PEBP4: variants seen among roughly 807,000 people sequenced by gnomAD.
PEBP4 encodes the protein phosphatidylethanolamine binding protein 4.
In PEBP4, 22 loss-of-function variants were observed where a neutral mutation model predicts 23.9. The ratio of observed to expected loss-of-function variants is 0.92; its 90% CI spans 0.66 to 1.31. The LOEUF is 1.31. PEBP4 is among the 40% of genes most tolerant of loss of function. The pLI is 0.00. For synonymous variants in PEBP4, 112 were observed against 99.3 expected (o/e 1.13, Z -0.76); for missense variants, 324 against 281.7 (o/e 1.15, Z -1.07).
upstream of PEBP4, among the ~76,000 whole-genome samples, chr8:22,932,517 A>C (rs1289024318): frequency 6.6e-6 from 1 of 152,138 alleles, no homozygotes; most frequent in African/African-American, 2.4e-5. Context: ...GGAAAGCTAA[A>C]CACACATATA....
chr8:22,908,916 C>T (rs1256571487), intron 3 of PEBP4, among the ~76,000 whole-genome samples: 2 of 152,174 alleles, frequency 1.3e-5, no homozygotes, highest in African/African-American at 4.8e-5. Context: ...AGTTAGCGGC[C>T]GAGCTTTAAA....
chr8:22,924,555 A>T, intron 2 of PEBP4: 1 of 633,008 alleles, frequency 1.6e-6, no homozygotes, highest in Non-Finnish European at 2.0e-6. Flanking sequence ...GATCCGCACT[A>T]CAACAGGTAG....
chr8:22,750,096 G>A lies in PEBP4; in HGVS notation c.358-22876C>T, dbSNP rs1365139721. Among the ~76,000 whole-genome samples the A allele has an allele frequency of 4.0e-5, 6 of 151,794 alleles. No homozygotes were observed. In the South Asian group the frequency reaches 1.0e-3, roughly 26 times the overall value. ...GCTGGGATTACAGGCGTGAGCCACC[G>A]CACCCAGCCTTTCTTTCTTTTTTGA... On this transcript the variant is annotated intron_variant, in intron 4 of 6. Coordinates refer to ENST00000256404, the MANE Select transcript of PEBP4 (RefSeq NM_144962.3).
At chr8:22,834,305 G>A (rs535131221) in intron 3 of PEBP4, among the ~76,000 whole-genome samples, 64 of 152,356 alleles carry the variant, frequency 4.2e-4, no homozygotes, top group African/African-American at 1.4e-3. Context: ...CTCTTCGCCA[G>A]GGCTGATGGG....
chr8:22,864,921 G>C (rs1180511114), intron 3 of PEBP4, among the ~76,000 whole-genome samples: 3 of 152,230 alleles, frequency 2.0e-5, no homozygotes, highest in African/African-American at 7.2e-5. Context: ...GGGGACCCAG[G>C]GCGGGATGGC....
At chr8:22,713,628 A>G (rs1034440630) in intron 6 of PEBP4, 92 bp from the exon 7 acceptor site, 1 of 1,563,656 alleles carries the variant, frequency 6.4e-7, no homozygotes, top group Non-Finnish European at 8.7e-7. Context: ...GGCTCGTGGG[A>G]GCCGAGGCAG....
At chr8:22,790,531 G>C (rs1459615301) in intron 4 of PEBP4, among the ~76,000 whole-genome samples, 1 of 152,164 alleles carries the variant, frequency 6.6e-6, no homozygotes, top group Non-Finnish European at 1.5e-5. Context: ...AGCTTAGCAG[G>C]GGCAGAAAAC....
rs574641477 is a variant in PEBP4 at position 22,768,447 on chromosome 8, G to C, written c.358-41227C>G. Among the ~76,000 whole-genome samples, 3 of 152,138 alleles carry C rather than the reference G, an allele frequency of 2.0e-5. No homozygotes were observed. In the East Asian group the frequency reaches 5.8e-4, roughly 29 times the overall value. ...TGGGGTGCTCACGCGAGCCCCCCAC[G>C]ACAGCCTCAGTGAACAAAGCCAAGC... On this transcript the variant is annotated intron_variant, in intron 4 of 6. Coordinates refer to ENST00000256404, the MANE Select transcript of PEBP4 (RefSeq NM_144962.3).
At chr8:22,874,408 G>A (rs961538420) in intron 3 of PEBP4, among the ~76,000 whole-genome samples, 2 of 152,178 alleles carry the variant, frequency 1.3e-5, no homozygotes, top group East Asian at 3.8e-4. Context: ...ATTGGAAGAT[G>A]AATGTTTCTC....
intron 3 of PEBP4, among the ~76,000 whole-genome samples, chr8:22,900,043 A>T (rs565825410): frequency 1.4e-4 from 22 of 152,204 alleles, no homozygotes; most frequent in Admixed American, 2.6e-4. Context: ...CTCTGGCAAG[A>T]GCCTTATCTA....
intron 3 of PEBP4, among the ~76,000 whole-genome samples, chr8:22,818,438 G>A (rs1806791715): frequency 1.3e-5 from 2 of 152,202 alleles, no homozygotes; most frequent in East Asian, 1.9e-4. Context: ...AAGGTCTTCA[G>A]GTGGGAAAAA....
intron 4 of PEBP4, among the ~76,000 whole-genome samples, chr8:22,772,123 C>T (rs144135112): frequency 2.0e-5 from 3 of 152,316 alleles, no homozygotes; most frequent in East Asian, 3.9e-4. Flanking sequence ...GTGATAAGAC[C>T]CTTTGTAATC....
chr8:22,865,300 C>T lies in PEBP4; in HGVS notation c.259-47565G>A, dbSNP rs1032530997. Among the ~76,000 whole-genome samples the T allele has an allele frequency of 5.3e-5, 8 of 151,990 alleles. No individual in the cohort carries two copies. In the South Asian group the frequency reaches 8.3e-4, roughly 16 times the overall value. ...GCTCAGGGCAGCCCGGGAAGAGCGG[C>T]GGGCGGATGGGAATTACCCCGGGTC... On this transcript the variant is annotated intron_variant, in intron 3 of 6. Coordinates refer to ENST00000256404, the MANE Select transcript of PEBP4 (RefSeq NM_144962.3). This position sits in a 1 kb window ranked among gnomAD's most constrained non-coding sequence, Gnocchi z 6.9.
chr8:22,765,826 G>A (rs371348844), intron 4 of PEBP4, among the ~76,000 whole-genome samples: 5 of 100,376 alleles, frequency 5.0e-5, no homozygotes, highest in African/African-American at 1.1e-4. Context: ...ATCACCACCT[G>A]TGGATCACCA....
At chr8:22,938,205 A>G (rs1809566199) in intron 1 of PEBP4, among the ~76,000 whole-genome samples, 1 of 151,968 alleles carries the variant, frequency 6.6e-6, no homozygotes, top group African/African-American at 2.4e-5. Context: ...CCCCTTCGAC[A>G]ACACTGGCCA....
chr8:22,917,816 A>G (rs2466214), intron 3 of PEBP4, among the ~76,000 whole-genome samples: 27,354 of 152,198 alleles, frequency 0.18, 2,684 homozygotes, highest in Non-Finnish European at 0.23. Context: ...CTTTTAATGG[A>G]TGGAAAACCC....
intron 4 of PEBP4, among the ~76,000 whole-genome samples, chr8:22,789,814 C>T (rs1013456327): frequency 5.3e-5 from 8 of 152,266 alleles, no homozygotes; most frequent in Admixed American, 6.5e-5. Context: ...GCCTCCCACT[C>T]TGCTAACCCT....
intron 3 of PEBP4, among the ~76,000 whole-genome samples, chr8:22,876,453 C>T (rs1351291622): frequency 6.6e-6 from 1 of 152,154 alleles, no homozygotes; most frequent in East Asian, 1.9e-4. Flanking sequence ...CGTATTCTTC[C>T]AGTGCTCAGG....
intron 3 of PEBP4, among the ~76,000 whole-genome samples, chr8:22,819,659 T>C (rs993390777): frequency 6.6e-6 from 1 of 152,150 alleles, no homozygotes; most frequent in African/African-American, 2.4e-5. Flanking sequence ...TGCCCAGGAG[T>C]GCAGTGGTGT....
Sources: allele counts gnomAD v4.1 joint callset (sites outside exome capture counted in the v4.1 genomes callset), GRCh38; gene constraint gnomAD v4.1.1; non-coding constraint Gnocchi (gnomAD v3.1); transcripts MANE v1.5; gene names NCBI Gene and HGNC (gene_info 2026-07-23, HGNC 2026-07-21).